The following NECAP1 variants were observed in gnomAD, a reference collection of about 807,000 sequenced individuals.
The protein encoded by NECAP1 is adaptin ear-binding coat-associated protein 1.
A neutral mutation model predicts 33.4 loss-of-function variants in NECAP1; 13 were observed. That is an observed-to-expected ratio of 0.39 (90% confidence interval 0.25 to 0.62). The LOEUF (loss-of-function observed/expected upper bound fraction) is 0.62, where lower values mean the gene tolerates loss of function less well. NECAP1 is among the 20% of genes least tolerant of loss of function. The pLI is 0.52. For missense variants in NECAP1, 272 were observed against 347.4 expected (o/e 0.78, Z 1.73); for synonymous variants, 109 against 125.2 (o/e 0.87, Z 0.86).
chr12:8,096,174 C>A lies in NECAP1; in HGVS notation c.*84C>A. 7.3e-7 allele frequency: 1 copy of A among 1,375,060 alleles called. No homozygotes were observed. Among genetic ancestry groups the A allele is most frequent in the Non-Finnish European group, 1.0e-6 (1 of 982,992 alleles). 85.2% of individuals were successfully genotyped at this position (1,375,060 alleles called of 1,614,324 possible). ...CAATCTGTGAGGGAAGTTAGGAACC[C>A]ATTTCCTCCCCAGAACCAGAATGAC... On this transcript the variant is annotated 3_prime_UTR_variant, in exon 8 of 8. Coordinates refer to ENST00000339754, the MANE Select transcript of NECAP1 (RefSeq NM_015509.4).
intron 1 of NECAP1, among the ~76,000 whole-genome samples, chr12:8,085,302 G>C (rs186404132): frequency 1.3e-5 from 2 of 151,534 alleles, no homozygotes; most frequent in East Asian, 3.9e-4. Flanking sequence ...ACAGGCGTGA[G>C]CCACCGCACC....
intron 1 of NECAP1, among the ~76,000 whole-genome samples, chr12:8,088,059 A>G (rs936593209): frequency 1.2e-4 from 18 of 152,192 alleles, no homozygotes; most frequent in Non-Finnish European, 2.9e-5. Context: ...TCTGTTTTCC[A>G]TACTCCTGGC....
Position 8,092,560 on chromosome 12 carries a change from A to C in NECAP1, c.384-116A>C, listed in dbSNP as rs934433389. Reference sequence around the variant, plus strand: ...TCCCTTCTGTTTCTCACTCTTTTTTATCTCTCACTGTGTTTTCTGGAATCT... The same window carrying C: ...TCCCTTCTGTTTCTCACTCTTTTTTCTCTCTCACTGTGTTTTCTGGAATCT... On this transcript the variant is annotated intron_variant, in intron 4 of 7. Transcript: ENST00000339754. 4.5e-6 allele frequency: 3 copies of C among 670,712 alleles called. 1 individual carries two copies. Among genetic ancestry groups the C allele is most frequent in the South Asian group, 4.5e-5 (2 of 44,492 alleles). The allele number at this position is 670,712 out of a possible 1,614,324, so 41.5% of individuals were successfully genotyped here. A position where few individuals can be genotyped will look rare whatever the true frequency, so the allele number is the denominator to read the frequency against.
In NECAP1 at chr12:8,092,731, C is replaced by T; in HGVS notation, c.439C>T (p.Pro147Ser). ...SKESQEMDAR[P>S]KLDLGFKEGQ... ...GGAATCTCAAGAAATGGATGCTCGT[C>T]CTAAGTTGGATCTGGGCTTCAAGGA... Residue 147 changes from proline (P) to serine (S), a missense_variant, in exon 5 of 8, where the codon CCT (proline) becomes TCT (serine). By Grantham distance (74) the Pro-to-Ser change is moderately conservative (BLOSUM62 -1). Transcript: ENST00000339754. 1 of 1,613,962 alleles carries T rather than the reference C, an allele frequency of 6.2e-7. No homozygotes were observed. The highest frequency in any genetic ancestry group is 8.5e-7 in the Non-Finnish European group (1 of 1,179,874).
chr12:8,094,101 G>A (rs1947573724), intron 6 of NECAP1, among the ~76,000 whole-genome samples: 1 of 152,192 alleles, frequency 6.6e-6, no homozygotes, highest in Non-Finnish European at 1.5e-5. Context: ...CAGATAATTT[G>A]TTGAATTGAT....
In NECAP1 at chr12:8,089,921, C is replaced by T. The variant is rs759255735; in HGVS notation, c.96-15C>T. ...TAAGGACATGTGCCTGAGGCTTCCT[C>T]TTTTCCTGTCCTAGGGCCTCTGACT... On this transcript the variant is annotated splice_polypyrimidine_tract_variant and intron_variant, in intron 1 of 7. Coordinates refer to ENST00000339754, the MANE Select transcript of NECAP1 (RefSeq NM_015509.4). 6.2e-7 allele frequency: 1 copy of T among 1,602,128 alleles called. No homozygotes were observed. Among genetic ancestry groups the T allele is most frequent in the Admixed American group, 1.7e-5 (1 of 59,956 alleles).
At chr12:8,083,269 G>T (rs773389180) in intron 1 of NECAP1, among the ~76,000 whole-genome samples, 1 of 151,260 alleles carries the variant, frequency 6.6e-6, no homozygotes, top group Non-Finnish European at 1.5e-5. Flanking sequence ...TTTCTCATCT[G>T]TAAAATAGAA....
chr12:8,097,103 G>T lies in NECAP1; in HGVS notation c.*1013G>T, dbSNP rs1261469202. ...TTTCAGTTCATGTAGTTCTTTAATA[G>T]AAAGCTGCTATTATGTATATTGTCA... On this transcript the variant is annotated 3_prime_UTR_variant, in exon 8 of 8. Transcript: ENST00000339754. 6.6e-6 allele frequency: 1 copy of T among 152,594 alleles called. No homozygotes were observed. The highest frequency in any genetic ancestry group is 1.9e-4 in the East Asian group (1 of 5,190). 9.5% of individuals were successfully genotyped at this position (152,594 alleles called of 1,614,324 possible).
At chr12:8,090,441 A>G in intron 3 of NECAP1, 142 bp downstream of exon 3, 1 of 685,212 alleles carries the variant, frequency 1.5e-6, no homozygotes, top group South Asian at 1.9e-5. Context: ...TCTAGTTGCT[A>G]AAGGAAAAGT....
chr12:8,096,978 C>T lies in NECAP1; in HGVS notation c.*888C>T, dbSNP rs1395095978. 6.6e-6 allele frequency: 1 copy of T among 152,632 alleles called. No homozygotes were observed. Among genetic ancestry groups the T allele is most frequent in the Non-Finnish European group, 1.5e-5 (1 of 68,048 alleles). The allele number at this position is 152,632 out of a possible 1,614,324, so 9.5% of individuals were successfully genotyped here. On this transcript the variant is annotated 3_prime_UTR_variant, in exon 8 of 8. Transcript: ENST00000339754. ...AAGTTGAAGGGTTTAGAGTTTTTAA[C>T]CTGATCTGTAGAGCAGAGAGGTTGA...
intron 6 of NECAP1, chr12:8,095,175 T>C (rs1947583131): frequency 1.8e-5 from 3 of 168,396 alleles, no homozygotes; most frequent in African/African-American, 2.4e-5. Context: ...CCATTATGAA[T>C]AAAGCTGCCG....
intron 3 of NECAP1, chr12:8,090,717 A>G (rs974475783): frequency 1.2e-5 from 2 of 161,336 alleles, no homozygotes; most frequent in African/African-American, 2.4e-5. Flanking sequence ...CTGAGACAGG[A>G]GAATCACTTG....
intron 1 of NECAP1, among the ~76,000 whole-genome samples, chr12:8,084,045 A>G (rs1343528345): frequency 6.6e-6 from 1 of 151,990 alleles, no homozygotes; most frequent in Non-Finnish European, 1.5e-5. Context: ...CCTGGCCAAG[A>G]TACTGTTCTT....
chr12:8,090,079 T>C (rs1202397805), intron 2 of NECAP1, 43 bp downstream of exon 2: 2 of 1,586,354 alleles, frequency 1.3e-6, no homozygotes, highest in African/African-American at 2.7e-5. Flanking sequence ...AATATTAATT[T>C]GGTGTGCTTT....
intron 6 of NECAP1, among the ~76,000 whole-genome samples, chr12:8,094,094 A>G (rs1947573680): frequency 6.6e-6 from 1 of 152,236 alleles, no homozygotes; most frequent in South Asian, 2.1e-4. Flanking sequence ...GACAGTGCAG[A>G]TAATTTGTTG....
intron 2 of NECAP1, 68 bp downstream of exon 2, chr12:8,090,104 A>T: frequency 3.8e-6 from 6 of 1,580,458 alleles, no homozygotes; most frequent in Non-Finnish European, 5.2e-6. Flanking sequence ...AGTACCTTCA[A>T]TTTGGGGACT....
chr12:8,086,482 C>T lies in NECAP1; in HGVS notation c.96-3454C>T, dbSNP rs771961126. Among the ~76,000 whole-genome samples the T allele has an allele frequency of 1.1e-3, 165 of 151,510 alleles. 1 individual carries two copies. The highest frequency in any genetic ancestry group is 3.7e-3 in the African/African-American group (152 of 41,262). Reference sequence around the variant, plus strand: ...CAAAAAACTTAGCCAGCCGTGGTGGCGCACACCTGTAGTCCCAGCTACCTG... The same window carrying T: ...CAAAAAACTTAGCCAGCCGTGGTGGTGCACACCTGTAGTCCCAGCTACCTG... On this transcript the variant is annotated intron_variant, in intron 1 of 7. Transcript: ENST00000339754.
chr12:8,095,820 G>A (rs1947588897), intron 7 of NECAP1, 117 bp downstream of exon 7: 3 of 1,208,650 alleles, frequency 2.5e-6, no homozygotes, highest in Non-Finnish European at 3.6e-6. Context: ...GAGTCTTTTG[G>A]AAGAGTTCTA....
At chr12:8,082,799 C>G (rs1486922135) in intron 1 of NECAP1, 3 of 162,988 alleles carry the variant, frequency 1.8e-5, no homozygotes, top group African/African-American at 7.2e-5. Flanking sequence ...CACACACACA[C>G]ACACACACAC....
Sources: allele counts gnomAD v4.1 joint callset (sites outside exome capture counted in the v4.1 genomes callset), GRCh38; gene constraint gnomAD v4.1.1; transcripts MANE v1.5; gene names NCBI Gene and HGNC (gene_info 2026-07-23, HGNC 2026-07-21).